Variants in GRAMD2B observed in about 807,000 individuals in gnomAD.
The protein encoded by GRAMD2B is GRAM domain-containing protein 2B.
GRAMD2B carries 41 observed loss-of-function variants against 59.2 expected under a neutral mutation model. The ratio of observed to expected loss-of-function variants is 0.69; its 90% confidence interval spans 0.54 to 0.90. The LOEUF is 0.90. GRAMD2B is among the 40% of genes least tolerant of loss of function. The probability of loss-of-function intolerance (pLI) is 0.00; values close to 1 mark genes in which losing one functional copy is unlikely to be tolerated. For missense variants in GRAMD2B, 424 were observed against 500.5 expected (o/e 0.85, Z 1.46); for synonymous variants, 161 against 182.7 (o/e 0.88, Z 0.96).
intron 1 of GRAMD2B, among the ~76,000 whole-genome samples, chr5:126,447,883 A>G (rs1428306624): frequency 6.9e-6 from 1 of 144,312 alleles, no homozygotes; most frequent in Non-Finnish European, 1.5e-5. Context: ...TTTAAAAAAT[A>G]GTCTCACTCT....
At position 126,480,702 on chromosome 5, in the gene GRAMD2B, C is replaced by T; in HGVS notation, c.730C>T (p.Pro244Ser). The T allele has an allele frequency of 6.2e-7, 1 of 1,613,632 alleles. No homozygotes were observed. Residue 244 changes from proline (P) to serine (S), a missense_variant, in exon 8 of 14, where the codon CCT (proline) becomes TCT (serine). Transcript: ENST00000285689. Reference sequence around the variant, plus strand: ...CCGAGCAGACCGCCCTTCATCTCTGCCTCTGGTAAGTTGCCCACATAACTA... The same window carrying T: ...CCGAGCAGACCGCCCTTCATCTCTGTCTCTGGTAAGTTGCCCACATAACTA... Reference protein sequence around the residue: ...SFRADRPSSLPLDFNDEFSDL... With the variant: ...SFRADRPSSLSLDFNDEFSDL...
intron 1 of GRAMD2B, among the ~76,000 whole-genome samples, chr5:126,375,467 T>C (rs1442999306): frequency 2.0e-5 from 3 of 152,040 alleles, no homozygotes; most frequent in Non-Finnish European, 4.4e-5. Context: ...CTTCCTGGGT[T>C]CACACCATTC....
upstream of GRAMD2B, among the ~76,000 whole-genome samples, chr5:126,421,894 A>T (rs1243912718): frequency 6.6e-6 from 1 of 152,236 alleles, no homozygotes; most frequent in Non-Finnish European, 1.5e-5. Flanking sequence ...TTATTTTAAG[A>T]GAAAAATGAA....
chr5:126,397,986 T>C (rs1421563063), intron 1 of GRAMD2B, among the ~76,000 whole-genome samples: 9 of 151,678 alleles, frequency 5.9e-5, no homozygotes, highest in Non-Finnish European at 1.2e-4. Context: ...TATGAAGTCA[T>C]TGGTCCTTGA....
chr5:126,466,242 C>G, intron 2 of GRAMD2B: 1 of 1,548,006 alleles, frequency 6.5e-7, no homozygotes, highest in Non-Finnish European at 8.7e-7. Context: ...TTCTTTTGGT[C>G]TTTGCTAAAA....
intron 1 of GRAMD2B, among the ~76,000 whole-genome samples, chr5:126,363,149 C>T (rs558681529): frequency 5.0e-4 from 76 of 152,112 alleles, no homozygotes; most frequent in African/African-American, 1.4e-3. Context: ...AATTTTAAAA[C>T]GGGGCAAAGG....
chr5:126,383,300 TA>T (rs1755818633), intron 1 of GRAMD2B, among the ~76,000 whole-genome samples: 1 of 152,228 alleles, frequency 6.6e-6, no homozygotes, highest in Non-Finnish European at 1.5e-5. Context: ...TCATGTTTCA[TA>T]AAAACAAAAC....
chr5:126,447,109 TA>T (rs1034840492), intron 1 of GRAMD2B, among the ~76,000 whole-genome samples: 4 of 152,198 alleles, frequency 2.6e-5, no homozygotes, highest in Admixed American at 2.6e-4. Context: ...TCTTTCGCCA[TA>T]ACCTTCACAG....
intron 1 of GRAMD2B, among the ~76,000 whole-genome samples, chr5:126,454,858 ATT>A (rs1456043561): frequency 1.3e-5 from 2 of 152,168 alleles, no homozygotes; most frequent in African/African-American, 2.4e-5. Flanking sequence ...AAAATCTGAT[ATT>A]CTTTTTATTG....
intron 3 of GRAMD2B, among the ~76,000 whole-genome samples, 161 bp downstream of exon 3, chr5:126,469,949 C>T (rs533286116): frequency 7.9e-5 from 12 of 152,300 alleles, no homozygotes; most frequent in Admixed American, 6.5e-4. Context: ...TTCCTCCAGT[C>T]CATTTTTCAG....
At chr5:126,421,321 G>T (rs984529678), upstream of GRAMD2B, among the ~76,000 whole-genome samples, 1 of 152,220 alleles carries the variant, frequency 6.6e-6, no homozygotes, top group African/African-American at 2.4e-5. Flanking sequence ...GTAATGAGAA[G>T]TTGGAGTGCA....
intron 12 of GRAMD2B, among the ~76,000 whole-genome samples, chr5:126,488,296 T>C (rs1348638090): frequency 6.6e-6 from 1 of 152,172 alleles, no homozygotes; most frequent in Non-Finnish European, 1.5e-5. Flanking sequence ...CGCCTGATTA[T>C]GAGACAAGGG....
chr5:126,487,825 T>C (rs548156311), intron 12 of GRAMD2B, among the ~76,000 whole-genome samples: 45 of 152,318 alleles, frequency 3.0e-4, no homozygotes, highest in Non-Finnish European at 7.3e-5. Context: ...CAGCTGCAGG[T>C]CTATATAACT....
chr5:126,394,689 G>C (rs1757205336), intron 1 of GRAMD2B, among the ~76,000 whole-genome samples: 1 of 152,150 alleles, frequency 6.6e-6, no homozygotes, highest in African/African-American at 2.4e-5. Flanking sequence ...AATAGTCAGG[G>C]TTCCTGCTCT....
intron 2 of GRAMD2B, among the ~76,000 whole-genome samples, chr5:126,467,087 C>T (rs1373114908): frequency 1.3e-5 from 2 of 151,958 alleles, no homozygotes. Flanking sequence ...GTCAGGAGTT[C>T]GAGACCAGCC....
chr5:126,418,493 T>C (rs1184541143), upstream of GRAMD2B, among the ~76,000 whole-genome samples: 1 of 152,220 alleles, frequency 6.6e-6, no homozygotes, highest in Non-Finnish European at 1.5e-5. Flanking sequence ...GTGCTAAGCA[T>C]AGTGGTTGCT....
chr5:126,395,770 GTGTGTGCGCGCATGCACATGTATA>G (rs1254755700), intron 1 of GRAMD2B, among the ~76,000 whole-genome samples: 1 of 152,186 alleles, frequency 6.6e-6, no homozygotes, highest in African/African-American at 2.4e-5. Context: ...GTCTGTGTGT[GTGTGTGCGCGCATGCACATGTATA>G]TGTGTTTCAG....
chr5:126,390,050 G>T (rs931036823), intron 1 of GRAMD2B, among the ~76,000 whole-genome samples: 2 of 152,160 alleles, frequency 1.3e-5, no homozygotes, highest in African/African-American at 4.8e-5. Flanking sequence ...TAAAATTTTA[G>T]GTTGAGTTGT....
At chr5:126,458,017 T>C (rs371917451) in intron 1 of GRAMD2B, among the ~76,000 whole-genome samples, 1 of 152,236 alleles carries the variant, frequency 6.6e-6, no homozygotes, top group Non-Finnish European at 1.5e-5. Context: ...TTTGTTTTCA[T>C]CTGTTCACTA....
Sources: allele counts gnomAD v4.1 joint callset (sites outside exome capture counted in the v4.1 genomes callset), GRCh38; gene constraint gnomAD v4.1.1; transcripts MANE v1.5; gene names NCBI Gene and HGNC (gene_info 2026-07-23, HGNC 2026-07-21).